The following PTPRD variants were observed in gnomAD, a reference collection of about 807,000 sequenced individuals.
PTPRD encodes receptor-type tyrosine-protein phosphatase delta.
In PTPRD, 34 loss-of-function variants were observed where a neutral mutation model predicts 214.5. That is an observed-to-expected ratio of 0.16 (90% CI 0.12 to 0.21). The LOEUF (loss-of-function observed/expected upper bound fraction) is 0.21. Among genes scored for constraint, PTPRD ranks in the 10% least tolerant of loss-of-function variants. PTPRD has a pLI of 1.00. For missense variants in PTPRD, 2,545 were observed against 2,398.7 expected (o/e 1.06, Z -1.27); for synonymous variants, 1,128 against 845.7 (o/e 1.33, Z -5.79).
chr9:10,380,457 C>T (rs138857658), intron 2 of PTPRD, among the ~76,000 whole-genome samples: 1 of 151,922 alleles, frequency 6.6e-6, no homozygotes, highest in East Asian at 1.9e-4. Flanking sequence ...AGCTTCTTTG[C>T]ATCAGAAAGG....
intron 5 of PTPRD, among the ~76,000 whole-genome samples, chr9:9,935,936 T>C (rs1349992555): frequency 6.6e-6 from 1 of 150,964 alleles, no homozygotes; most frequent in Non-Finnish European, 1.5e-5. Context: ...TATCTACAAC[T>C]ATCTGATCTT....
intron 7 of PTPRD, among the ~76,000 whole-genome samples, chr9:9,609,100 T>A (rs1277083039): frequency 1.3e-5 from 2 of 152,176 alleles, no homozygotes; most frequent in African/African-American, 4.8e-5. Flanking sequence ...GTGAAGAAAT[T>A]GGACTTACAA....
intron 29 of PTPRD, 48 bp downstream of exon 29, chr9:8,485,179 C>T (rs1255105651): frequency 1.3e-6 from 2 of 1,494,876 alleles, no homozygotes; most frequent in Non-Finnish European, 1.9e-6. Flanking sequence ...GATAAACTGT[C>T]CCCTCTACTT....
chr9:10,485,450 T>C (rs548893862), intron 2 of PTPRD, among the ~76,000 whole-genome samples: 3 of 152,232 alleles, frequency 2.0e-5, no homozygotes, highest in African/African-American at 7.2e-5. Flanking sequence ...TTACTATGGG[T>C]TGTATGGACA....
intron 11 of PTPRD, among the ~76,000 whole-genome samples, chr9:8,969,446 G>A (rs140426196): frequency 9.1e-4 from 139 of 152,118 alleles, no homozygotes; most frequent in African/African-American, 3.3e-3. Context: ...CATTGTTTGT[G>A]TTATTGAAGA....
chr9:8,432,137 A>C (rs926458853), intron 35 of PTPRD, among the ~76,000 whole-genome samples: 1 of 152,262 alleles, frequency 6.6e-6, no homozygotes, highest in Admixed American at 6.5e-5. Context: ...TCTGATTTAA[A>C]GATTCACCAG....
chr9:9,050,105 C>T (rs895701823), intron 10 of PTPRD, among the ~76,000 whole-genome samples: 11 of 152,108 alleles, frequency 7.2e-5, no homozygotes, highest in African/African-American at 2.2e-4. Context: ...AATTTATTGC[C>T]GCACGAAACC....
chr9:8,537,489 T>G (rs545315517), intron 14 of PTPRD, among the ~76,000 whole-genome samples: 1 of 152,080 alleles, frequency 6.6e-6, no homozygotes, highest in Non-Finnish European at 1.5e-5. Context: ...GATAGTATGC[T>G]TGTCTTAATA....
At chr9:8,338,461 T>C (rs1849107203) in intron 43 of PTPRD, among the ~76,000 whole-genome samples, 1 of 152,116 alleles carries the variant, frequency 6.6e-6, no homozygotes, top group Non-Finnish European at 1.5e-5. Flanking sequence ...CAGATTTTTC[T>C]AAAGAATGCC....
At chr9:9,039,886 C>T (rs12000440) in intron 10 of PTPRD, among the ~76,000 whole-genome samples, 2,214 of 152,132 alleles carry the variant, frequency 0.015, 58 homozygotes, top group African/African-American at 0.05. Flanking sequence ...GGTGGGCTGA[C>T]CTGTTGACTG....
At chr9:9,006,116 C>A (rs977805840) in intron 11 of PTPRD, among the ~76,000 whole-genome samples, 1 of 151,892 alleles carries the variant, frequency 6.6e-6, no homozygotes, top group Admixed American at 6.6e-5. Context: ...CACAGTGCAA[C>A]TGATTCATTG....
At chr9:9,905,586 AATAAT>A (rs2077370240) in intron 5 of PTPRD, among the ~76,000 whole-genome samples, 1 of 151,844 alleles carries the variant, frequency 6.6e-6, no homozygotes, top group Admixed American at 6.6e-5. Flanking sequence ...TGTTCATAAA[AATAAT>A]ATACTGGTCC....
intron 9 of PTPRD, among the ~76,000 whole-genome samples, chr9:9,259,259 G>A (rs1314615247): frequency 1.3e-5 from 2 of 151,894 alleles, no homozygotes; most frequent in Non-Finnish European, 2.9e-5. Flanking sequence ...AAAAAGCTAT[G>A]TGAGAAAGAG....
At chr9:8,887,405 A>T (rs2098500460) in intron 11 of PTPRD, among the ~76,000 whole-genome samples, 1 of 152,124 alleles carries the variant, frequency 6.6e-6, no homozygotes, top group Non-Finnish European at 1.5e-5. Context: ...TACAAACCCC[A>T]CTTGTACAGA....
intron 3 of PTPRD, among the ~76,000 whole-genome samples, chr9:10,121,834 G>A (rs1394229987): frequency 6.6e-6 from 1 of 152,010 alleles, no homozygotes; most frequent in Non-Finnish European, 1.5e-5. Context: ...CAACCATGAG[G>A]ATTGAGGGTG....
intron 7 of PTPRD, among the ~76,000 whole-genome samples, chr9:9,701,779 G>C (rs1229973339): frequency 6.6e-6 from 1 of 152,160 alleles, no homozygotes; most frequent in Non-Finnish European, 1.5e-5. Flanking sequence ...GAGAGTTTCA[G>C]AGGGAAGAAA....
rs559907936 is a variant in PTPRD, at chr9:9,272,081, C to G, written c.-202-88718G>C. Among the ~76,000 whole-genome samples, 23 of 151,064 alleles carry G rather than the reference C, an allele frequency of 1.5e-4. No individual in the cohort carries two copies. The South Asian group carries it at 4.6e-3, about 30-fold the overall frequency. On this transcript the variant is annotated intron_variant, in intron 9 of 45. Transcript: ENST00000381196. ...TTTTTTTTGACAGCAATTCCCCCCA[C>G]CCCATACTGCCTGCTGAGACTGTCA...
At chr9:9,185,412 G>C (rs1186144427) in intron 9 of PTPRD, among the ~76,000 whole-genome samples, 1 of 151,916 alleles carries the variant, frequency 6.6e-6, no homozygotes, top group Non-Finnish European at 1.5e-5. Context: ...CACCTGTTTG[G>C]GGCCACTTCC....
At chr9:9,965,628 T>C (rs1372148110) in intron 4 of PTPRD, among the ~76,000 whole-genome samples, 1 of 152,202 alleles carries the variant, frequency 6.6e-6, no homozygotes, top group Non-Finnish European at 1.5e-5. Context: ...TTTTCTCCTC[T>C]GACCTAATAC....
Sources: allele counts gnomAD v4.1 joint callset (sites outside exome capture counted in the v4.1 genomes callset), GRCh38; gene constraint gnomAD v4.1.1; transcripts MANE v1.5; gene names NCBI Gene and HGNC (gene_info 2026-07-23, HGNC 2026-07-21).